Variants in LRTM2 observed in about 807,000 individuals in gnomAD.
LRTM2 encodes leucine-rich repeat and transmembrane domain-containing protein 2.
LRTM2 carries 18 observed loss-of-function variants against 28.1 expected under a neutral mutation model. The ratio of observed to expected loss-of-function variants is 0.64; its 90% CI spans 0.44 to 0.95. The LOEUF is 0.95. LRTM2 is among the 40% of genes least tolerant of loss of function. LRTM2 has a pLI of 0.00. For synonymous variants in LRTM2, 250 were observed against 218.7 expected, an observed-to-expected ratio of 1.14 and a Z score of -1.26; for missense variants, 436 against 497.2, an observed-to-expected ratio of 0.88 and a Z score of 1.17.
chr12:1,828,245 T>A lies in LRTM2; in HGVS notation c.67+30T>A. The A allele has an allele frequency of 6.6e-6, 10 of 1,513,092 alleles. No individual in the cohort carries two copies. Among genetic ancestry groups the A allele is most frequent in the Non-Finnish European group, 8.9e-6 (10 of 1,125,536 alleles). 93.7% of individuals were successfully genotyped at this position (1,513,092 alleles called of 1,614,324 possible). ...GTACACCCCTGGCCTCGGAGGGGGG[T>A]GCGGGTTGGGTGGGGGTGCCGAGGT... On this transcript the variant is annotated intron_variant, in intron 3 of 4. Transcript: ENST00000299194. This position sits in a 1 kb window ranked among gnomAD's most constrained non-coding sequence, Gnocchi z 4.2.
At chr12:1,823,879 C>T (rs527618996) in intron 1 of LRTM2, among the ~76,000 whole-genome samples, 36 of 152,312 alleles carry the variant, frequency 2.4e-4, no homozygotes, top group African/African-American at 7.9e-4. Flanking sequence ...TCTTCCTTTC[C>T]TACCTCTGCC....
rs777306274 is a variant in LRTM2, at chr12:1,828,016, C to T, written c.-73-60C>T. ...AGAGACACCCGGGCCCTCTCCCTAA[C>T]CCCTGGGCTGGAACGGGGCTCCCGC... On this transcript the variant is annotated intron_variant, in intron 2 of 4. Coordinates refer to ENST00000299194, the MANE Select transcript of LRTM2 (RefSeq NM_001039029.3). The surrounding 1 kb of genome is among the most constrained non-coding windows in gnomAD (Gnocchi z 4.2). 8 of 715,914 alleles carry T rather than the reference C, an allele frequency of 1.1e-5. No homozygotes were observed. The highest frequency in any genetic ancestry group is 1.5e-5 in the Non-Finnish European group (7 of 468,152). 44.3% of individuals were successfully genotyped at this position (715,914 alleles called of 1,614,324 possible). A position where few individuals can be genotyped will look rare whatever the true frequency, so the allele number is the denominator to read the frequency against.
intron 1 of LRTM2, among the ~76,000 whole-genome samples, chr12:1,826,988 G>C (rs376453129): frequency 1.1e-4 from 17 of 152,350 alleles, no homozygotes; most frequent in African/African-American, 3.8e-4. Context: ...GGCAGGGAGA[G>C]GGAGGCTGCA....
Position 1,834,819 on chromosome 12 carries a change from C to T in LRTM2, c.*98C>T. 1 of 1,445,172 alleles carries T rather than the reference C, an allele frequency of 6.9e-7. No homozygotes were observed. Among genetic ancestry groups the T allele is most frequent in the Non-Finnish European group, 9.1e-7 (1 of 1,102,748 alleles). The allele number at this position is 1,445,172 out of a possible 1,614,324, so 89.5% of individuals were successfully genotyped here. On this transcript the variant is annotated 3_prime_UTR_variant, in exon 5 of 5. Coordinates refer to ENST00000299194, the MANE Select transcript of LRTM2 (RefSeq NM_001039029.3). This position sits in a 1 kb window ranked among gnomAD's most constrained non-coding sequence, Gnocchi z 7.6. Reference sequence around the variant, plus strand: ...TTGACCCGGCGCTGGCCACTGCCTCCCCGAGTCCACCCTCCTCCCCGCCCT... The same window carrying T: ...TTGACCCGGCGCTGGCCACTGCCTCTCCGAGTCCACCCTCCTCCCCGCCCT...
chr12:1,826,416 C>T (rs902310626), intron 1 of LRTM2, among the ~76,000 whole-genome samples: 33 of 139,184 alleles, frequency 2.4e-4, no homozygotes, highest in Non-Finnish European at 4.4e-4. Flanking sequence ...CCCCCCCCCC[C>T]GCCAACTGGC....
At chr12:1,825,930 A>G (rs1187389193) in intron 1 of LRTM2, among the ~76,000 whole-genome samples, 2 of 152,140 alleles carry the variant, frequency 1.3e-5, no homozygotes, top group Non-Finnish European at 1.5e-5. Flanking sequence ...GACATTCTTG[A>G]CTGAGTAAGA....
In LRTM2 at chr12:1,835,391, C is replaced by G. The variant is rs1864813473; in HGVS notation, c.*670C>G. 1 of 152,504 alleles carries G rather than the reference C, an allele frequency of 6.6e-6. No individual in the cohort carries two copies. The highest frequency in any genetic ancestry group is 2.1e-4 in the South Asian group (1 of 4,842). The allele number at this position is 152,504 out of a possible 1,614,324, so 9.4% of individuals were successfully genotyped here. On this transcript the variant is annotated 3_prime_UTR_variant, in exon 5 of 5. Transcript: ENST00000299194. ...ATTCACTCACACACCCATTGCATCA[C>G]CAGTGCGGTCACATGGATTGAAAGA...
Position 1,821,876 on chromosome 12 carries a change from C to T in LRTM2, c.-259+1062C>T, listed in dbSNP as rs145867287. 5.0e-3 allele frequency among the ~76,000 whole-genome samples: 759 copies of T among 152,106 alleles called. 7 individuals are homozygous for T. The highest frequency in any genetic ancestry group is 0.017 in the African/African-American group (701 of 41,494). ...CACATTTCTGGGGGGTGTTGGCACC[C>T]GGCTGTCAGGGCTACTTGGGCAGTG... On this transcript the variant is annotated intron_variant, in intron 1 of 4. Coordinates refer to ENST00000299194, the MANE Select transcript of LRTM2 (RefSeq NM_001039029.3).
intron 1 of LRTM2, chr12:1,823,364 A>T (rs1864186606): frequency 6.6e-6 from 1 of 152,228 alleles, no homozygotes; most frequent in Non-Finnish European, 1.5e-5. Context: ...AGGTGCATGG[A>T]GCGGTCCAGG....
chr12:1,828,459 G>A lies in LRTM2; in HGVS notation c.67+244G>A, dbSNP rs1027928304. On this transcript the variant is annotated intron_variant, in intron 3 of 4. Coordinates refer to ENST00000299194, the MANE Select transcript of LRTM2 (RefSeq NM_001039029.3). This position sits in a 1 kb window ranked among gnomAD's most constrained non-coding sequence, Gnocchi z 4.2. The stretch of plus-strand genomic sequence containing the variant: ...AGACCTGGAGCTGGAGGCCACGACA[G>A]TTGTTCTACCTCCCCCAGGTAAGTC... Among the ~76,000 whole-genome samples the A allele has an allele frequency of 2.6e-5, 4 of 152,228 alleles. No individual in the cohort carries two copies. The highest frequency in any genetic ancestry group is 7.2e-5 in the African/African-American group (3 of 41,460).
chr12:1,826,288 T>C (rs1236898761), intron 1 of LRTM2, among the ~76,000 whole-genome samples: 7 of 151,734 alleles, frequency 4.6e-5, no homozygotes, highest in East Asian at 1.9e-4. Flanking sequence ...TTGATCCTCA[T>C]AGAAACTCCA....
chr12:1,831,138 C>T lies in LRTM2; in HGVS notation c.271C>T (p.Leu91Phe), dbSNP rs1385727306. 1 of 1,614,020 alleles carries T rather than the reference C, an allele frequency of 6.2e-7. No homozygotes were observed. Among genetic ancestry groups the T allele is most frequent in the African/African-American group, 1.3e-5 (1 of 75,064 alleles). The change falls in exon 4 of 5, where the codon CTC becomes TTC. Residue 91 changes from leucine to phenylalanine, a missense_variant. Leu to Phe is a conservative substitution (Grantham distance 22, BLOSUM62 0). Coordinates refer to ENST00000299194, the MANE Select transcript of LRTM2 (RefSeq NM_001039029.3). The stretch of plus-strand genomic sequence containing the variant: ...CCTGCCAAGCTGGGCTTTCGCCAAC[C>T]TCTCCAGCCTGCAGCGGTTGGACCT... ...SALPSWAFANLSSLQRLDLSN... is the reference protein window; with the variant it reads ...SALPSWAFANFSSLQRLDLSN...
chr12:1,834,231 G>A lies in LRTM2; in HGVS notation c.659-36G>A. ...GGGAGAGGGAGTGCAAGTTCTAGAT[G>A]CCTGGTCAGCCCCTCTTTTTCTCTT... On this transcript the variant is annotated intron_variant, in intron 4 of 4. Coordinates refer to ENST00000299194, the MANE Select transcript of LRTM2 (RefSeq NM_001039029.3). The surrounding 1 kb of genome is among the most constrained non-coding windows in gnomAD (Gnocchi z 7.6). 6.6e-7 allele frequency: 1 copy of A among 1,521,582 alleles called. No individual in the cohort carries two copies. Among genetic ancestry groups the A allele is most frequent in the Non-Finnish European group, 8.8e-7 (1 of 1,134,346 alleles). The allele number at this position is 1,521,582 out of a possible 1,614,324, so 94.3% of individuals were successfully genotyped here.
In LRTM2 at chr12:1,829,239, G is replaced by A. The variant is rs541690055; in HGVS notation, c.67+1024G>A. On this transcript the variant is annotated intron_variant, in intron 3 of 4. Transcript: ENST00000299194. This position sits in a 1 kb window ranked among gnomAD's most constrained non-coding sequence, Gnocchi z 4.2. ...TGTCAGGCCCTTCTCTGGGAGGGGC[G>A]AGCGGCTTCTGGTGATGCAGATCCT... Among the ~76,000 whole-genome samples the A allele has an allele frequency of 1.6e-3, 246 of 152,330 alleles. No homozygotes were observed. Among genetic ancestry groups the A allele is most frequent in the African/African-American group, 3.8e-3 (157 of 41,576 alleles).
In LRTM2 at chr12:1,829,446, C is replaced by T. The variant is rs1322985542; in HGVS notation, c.67+1231C>T. On this transcript the variant is annotated intron_variant, in intron 3 of 4. Transcript: ENST00000299194. The surrounding 1 kb of genome is among the most constrained non-coding windows in gnomAD (Gnocchi z 4.2). ...AACCCAAGATGGCCAGAAAAAGGGT[C>T]TCCGGTGGCTTCCATGGCTGTACCT... Among the ~76,000 whole-genome samples, 4 of 151,992 alleles carry T rather than the reference C, an allele frequency of 2.6e-5. No homozygotes were observed. Among genetic ancestry groups the T allele is most frequent in the Admixed American group, 1.3e-4 (2 of 15,276 alleles).
intron 1 of LRTM2, among the ~76,000 whole-genome samples, chr12:1,822,527 G>A (rs1864147699): frequency 6.6e-6 from 1 of 152,166 alleles, no homozygotes; most frequent in South Asian, 2.1e-4. Context: ...CCTCCTTCAT[G>A]TCAGGGACCA....
At position 1,829,694 on chromosome 12, in the gene LRTM2, C is replaced by T. The variant is rs1027281122; in HGVS notation, c.68-1241C>T. On this transcript the variant is annotated intron_variant, in intron 3 of 4. Transcript: ENST00000299194. The surrounding 1 kb of genome is among the most constrained non-coding windows in gnomAD (Gnocchi z 4.2). ...TCAGACCCAGCTCACAGCCCATCGG[C>T]CCACCCCGACCTGGGACAGCCAGGT... Among the ~76,000 whole-genome samples, 3 of 149,318 alleles carry T rather than the reference C, an allele frequency of 2.0e-5. No homozygotes were observed. Among genetic ancestry groups the T allele is most frequent in the Non-Finnish European group, 3.0e-5 (2 of 67,168 alleles).
Position 1,834,179 on chromosome 12 carries a change from G to A in LRTM2, c.659-88G>A. ...ATTGCTGATAAAAACTACCTTCTGG[G>A]GCTTCCGTTTTGGGGAGCTGGGGAT... On this transcript the variant is annotated intron_variant, in intron 4 of 4. Transcript: ENST00000299194. This position sits in a 1 kb window ranked among gnomAD's most constrained non-coding sequence, Gnocchi z 7.6. 1 of 1,441,934 alleles carries A rather than the reference G, an allele frequency of 6.9e-7. No individual in the cohort carries two copies. The allele number at this position is 1,441,934 out of a possible 1,614,324, so 89.3% of individuals were successfully genotyped here.
In LRTM2 at chr12:1,828,210, TCTC is replaced by T; in HGVS notation, c.65_67del (p.Ser22del). ...AGGCTCGCCCTGCAGTGGAGGCAAG[TCTC>T]CTGTGAGTACACCCCTGGCCTCGGA... On this transcript the variant is annotated inframe_deletion and splice_region_variant, in exon 3 of 5. Transcript: ENST00000299194. The surrounding 1 kb of genome is among the most constrained non-coding windows in gnomAD (Gnocchi z 4.2). 1.9e-6 allele frequency: 3 copies of T among 1,545,540 alleles called. No homozygotes were observed. The highest frequency in any genetic ancestry group is 2.6e-6 in the Non-Finnish European group (3 of 1,144,736).
Sources: allele counts gnomAD v4.1 joint callset (sites outside exome capture counted in the v4.1 genomes callset), GRCh38; gene constraint gnomAD v4.1.1; non-coding constraint Gnocchi (gnomAD v3.1); transcripts MANE v1.5; gene names NCBI Gene and HGNC (gene_info 2026-07-23, HGNC 2026-07-21).